IWS1: variants seen among roughly 807,000 people sequenced by gnomAD.
The protein encoded by IWS1 is interacts with SUPT6H, CTD assembly factor 1, also known as protein IWS1 homolog.
IWS1 carries 27 observed loss-of-function variants against 86.7 expected under a neutral mutation model. The ratio of observed to expected loss-of-function variants is 0.31; its 90% CI spans 0.23 to 0.43. IWS1 has a LOEUF of 0.43. Ranked by LOEUF, IWS1 falls within the 20% of genes least tolerant of loss-of-function variation. The pLI, the probability that IWS1 is intolerant of heterozygous loss-of-function variation, is 1.00. For synonymous variants in IWS1, 313 were observed against 335.1 expected (o/e 0.93, Z 0.72); for missense variants, 827 against 1,000.8 (o/e 0.83, Z 2.34).
At chr2:127,482,596 T>A (rs1476589605) in intron 13 of IWS1, 1 of 152,416 alleles carries the variant, frequency 6.6e-6, no homozygotes, top group Non-Finnish European at 1.5e-5. Flanking sequence ...ACTACACAAT[T>A]CCCAGCAGCT....
intron 13 of IWS1, 43 bp from the exon 14 acceptor site, chr2:127,481,218 G>GT (rs1558734821): frequency 1.9e-6 from 3 of 1,553,252 alleles, no homozygotes; most frequent in East Asian, 2.3e-5. Flanking sequence ...ACTGAAATAC[G>GT]TAAGTCTAGT....
intron 2 of IWS1, among the ~76,000 whole-genome samples, chr2:127,507,667 T>C (rs1036961348): frequency 2.0e-5 from 3 of 152,230 alleles, no homozygotes; most frequent in African/African-American, 4.8e-5. Flanking sequence ...TTTAACTATC[T>C]AGATTGTAAG....
At chr2:127,506,957 A>C (rs1691180942) in intron 2 of IWS1, among the ~76,000 whole-genome samples, 1 of 152,244 alleles carries the variant, frequency 6.6e-6, no homozygotes, top group Non-Finnish European at 1.5e-5. Context: ...GCTCAACTTT[A>C]AATAACATGG....
chr2:127,517,165 C>T (rs1488380284), intron 2 of IWS1, among the ~76,000 whole-genome samples: 1 of 152,156 alleles, frequency 6.6e-6, no homozygotes, highest in Non-Finnish European at 1.5e-5. Context: ...ACCAAGATGG[C>T]AATATTCCCC....
upstream of IWS1, chr2:127,526,701 C>A: frequency 7.7e-7 from 1 of 1,305,890 alleles, no homozygotes; most frequent in Non-Finnish European, 1.0e-6. Context: ...TTTATCATTT[C>A]CTAGATTCTG....
At chr2:127,503,861 T>C (rs540480898) in intron 3 of IWS1, among the ~76,000 whole-genome samples, 6 of 152,174 alleles carry the variant, frequency 3.9e-5, no homozygotes, top group Non-Finnish European at 8.8e-5. Context: ...AGCAGCCACC[T>C]TTCCTTTTGG....
At chr2:127,519,979 G>C (rs1259384866) in intron 2 of IWS1, among the ~76,000 whole-genome samples, 1 of 152,176 alleles carries the variant, frequency 6.6e-6, no homozygotes. Context: ...TCTTCCCTCA[G>C]AGAAGAACAC....
chr2:127,484,773 G>C (rs1319392196), intron 13 of IWS1: 1 of 152,188 alleles, frequency 6.6e-6, no homozygotes, highest in African/African-American at 2.4e-5. Context: ...CGAGGCGGGT[G>C]GATCACGAGG....
chr2:127,526,130 T>A (rs767101517), intron 1 of IWS1, 45 bp downstream of exon 1: 1 of 1,560,582 alleles, frequency 6.4e-7, no homozygotes, highest in Admixed American at 1.8e-5. Flanking sequence ...CCCCGCCGAG[T>A]AACTGCTCCG....
In IWS1 at chr2:127,480,935, A is replaced by T; in HGVS notation, c.*109T>A. ...TGAGTCCTATGACAACATCTGATAC[A>T]CGCTGAACCATTTACAGACACACTA... On this transcript the variant is annotated 3_prime_UTR_variant, in exon 14 of 14. Transcript: ENST00000295321. 8.2e-7 allele frequency: 1 copy of T among 1,223,050 alleles called. No homozygotes were observed. Among genetic ancestry groups the T allele is most frequent in the Non-Finnish European group, 1.1e-6 (1 of 876,486 alleles). The allele number at this position is 1,223,050 out of a possible 1,614,324, so 75.8% of individuals were successfully genotyped here.
Position 127,505,849 on chromosome 2 carries a change from A to C in IWS1, c.151-97T>G. Reference sequence around the variant, plus strand: ...TTTTTCTGTGATTTTTTTAAAATACAGGATTATGTGCACCTAAATGGAGAA... The same window carrying C: ...TTTTTCTGTGATTTTTTTAAAATACCGGATTATGTGCACCTAAATGGAGAA... On this transcript the variant is annotated intron_variant, in intron 2 of 13. Transcript: ENST00000295321. This position sits in a 1 kb window ranked among gnomAD's most constrained non-coding sequence, Gnocchi z 5.0. 1 of 801,106 alleles carries C rather than the reference A, an allele frequency of 1.2e-6. No homozygotes were observed. Among genetic ancestry groups the C allele is most frequent in the East Asian group, 2.8e-5 (1 of 36,058 alleles). 49.6% of individuals were successfully genotyped at this position (801,106 alleles called of 1,614,324 possible).
chr2:127,500,459 G>A (rs1388410525), intron 5 of IWS1, among the ~76,000 whole-genome samples: 3 of 151,834 alleles, frequency 2.0e-5, no homozygotes, highest in Admixed American at 6.6e-5. Flanking sequence ...TCTTTTTATC[G>A]ATATAAAGTG....
At chr2:127,522,206 T>C (rs181148470) in intron 2 of IWS1, among the ~76,000 whole-genome samples, 11 of 152,274 alleles carry the variant, frequency 7.2e-5, no homozygotes, top group African/African-American at 2.6e-4. Flanking sequence ...AAGCACACTC[T>C]CACCTTGGGG....
intron 3 of IWS1, 103 bp downstream of exon 3, chr2:127,504,581 A>G: frequency 1.2e-6 from 1 of 836,828 alleles, no homozygotes; most frequent in African/African-American, 1.7e-5. Context: ...TAAGCTGAAT[A>G]ACAGAACACA....
At chr2:127,523,898 G>C (rs1692245128) in intron 1 of IWS1, 107 bp from the exon 2 acceptor site, 3 of 712,100 alleles carry the variant, frequency 4.2e-6, no homozygotes, top group Non-Finnish European at 7.2e-6. Flanking sequence ...AGTTACCACT[G>C]AGGAAGCATT....
Position 127,505,461 on chromosome 2 carries a change from T to C in IWS1, c.442A>G (p.Asn148Asp). Residue 148 changes from asparagine (N) to aspartate (D), a missense_variant, in exon 3 of 14, where the codon AAC (asparagine) becomes GAC (aspartate). By Grantham distance (23) the Asn-to-Asp change is conservative. Around this residue, in one of 2 missense-constraint regions of IWS1, gnomAD observed 548 missense variants for 560.2 expected, o/e 0.98. Transcript: ENST00000295321. This position sits in a 1 kb window ranked among gnomAD's most constrained non-coding sequence, Gnocchi z 5.0. ...LLNGHASDSENEDVGKHPASD... is the reference protein window; with the variant it reads ...LLNGHASDSEDEDVGKHPASD... ...GCGGGATGCTTCCCAACATCTTCGT[T>C]TTCTGAGTCACTTGCATGCCCATTA... The C allele has an allele frequency of 6.2e-7, 1 of 1,614,154 alleles. No homozygotes were observed. The highest frequency in any genetic ancestry group is 8.5e-7 in the Non-Finnish European group (1 of 1,180,016).
chr2:127,503,068 A>G (rs959184704), intron 4 of IWS1, among the ~76,000 whole-genome samples, 196 bp from the exon 5 acceptor site: 1 of 152,184 alleles, frequency 6.6e-6, no homozygotes, highest in African/African-American at 2.4e-5. Context: ...AAGTCCTCTC[A>G]TGGCCCCTTC....
intron 2 of IWS1, among the ~76,000 whole-genome samples, chr2:127,519,028 A>C (rs562568386): frequency 7.9e-5 from 12 of 152,316 alleles, no homozygotes; most frequent in Admixed American, 7.2e-4. Flanking sequence ...CCTAACTTTA[A>C]AGATTTTGAT....
At chr2:127,503,349 T>G (rs376693642) in intron 4 of IWS1, 38 bp downstream of exon 4, 2 of 1,518,698 alleles carry the variant, frequency 1.3e-6, no homozygotes, top group African/African-American at 2.7e-5. Context: ...ACTGCCTAAT[T>G]AAGAACCCCT....
Sources: allele counts gnomAD v4.1 joint callset (sites outside exome capture counted in the v4.1 genomes callset), GRCh38; gene constraint gnomAD v4.1.1; regional missense constraint gnomAD v4.1.1; non-coding constraint Gnocchi (gnomAD v3.1); transcripts MANE v1.5; gene names NCBI Gene and HGNC (gene_info 2026-07-23, HGNC 2026-07-21).